The following FAM81B variants were observed in gnomAD, a reference collection of about 807,000 sequenced individuals.
FAM81B encodes family with sequence similarity 81 member B.
Under a neutral mutation model 58.7 loss-of-function variants are expected in FAM81B, and 60 were observed. The observed-to-expected ratio is 1.02, with a 90% CI of 0.83 to 1.27. The LOEUF is 1.27. FAM81B is among the 50% of genes most tolerant of loss of function. FAM81B has a pLI of 0.00. For synonymous variants in FAM81B, 189 were observed against 179.6 expected (o/e 1.05, Z -0.42); for missense variants, 491 against 522.0 (o/e 0.94, Z 0.58).
At chr5:95,419,562 A>C (rs1762624329) in intron 4 of FAM81B, among the ~76,000 whole-genome samples, 1 of 152,180 alleles carries the variant, frequency 6.6e-6, no homozygotes, top group South Asian at 2.1e-4. Context: ...GGGTACAAAA[A>C]GTTAAAAACC....
intron 9 of FAM81B, among the ~76,000 whole-genome samples, chr5:95,449,667 C>T (rs550888119): frequency 6.6e-6 from 1 of 152,260 alleles, no homozygotes; most frequent in East Asian, 1.9e-4. Flanking sequence ...TCAGGAGTGA[C>T]TAGACATGCA....
At chr5:95,416,248 A>G (rs1297743877) in intron 4 of FAM81B, among the ~76,000 whole-genome samples, 2 of 152,234 alleles carry the variant, frequency 1.3e-5, no homozygotes, top group Non-Finnish European at 2.9e-5. Context: ...CTCATTAACC[A>G]GGTCAGCCCA....
rs771168037 is a variant in FAM81B at position 95,405,130 on chromosome 5, A to G, written c.294-8817A>G. 4.6e-5 allele frequency among the ~76,000 whole-genome samples: 7 copies of G among 152,316 alleles called. No individual in the cohort carries two copies. The South Asian group carries it at 6.2e-4, about 14-fold the overall frequency. On this transcript the variant is annotated intron_variant, in intron 3 of 9. Transcript: ENST00000283357. ...AGGATCAAGAAAGGAAGAAAGAACT[A>G]AAATAACCGTGGGTTTGGAGCCTAA... is the stretch of plus-strand genomic sequence containing the variant.
intron 5 of FAM81B, among the ~76,000 whole-genome samples, chr5:95,423,833 G>A (rs1762752086): frequency 6.6e-6 from 1 of 152,134 alleles, no homozygotes; most frequent in Non-Finnish European, 1.5e-5. Flanking sequence ...GACTGATACA[G>A]TCCTTCTCAG....
At chr5:95,407,408 A>G (rs1250298119) in intron 3 of FAM81B, among the ~76,000 whole-genome samples, 5 of 147,306 alleles carry the variant, frequency 3.4e-5, no homozygotes, top group African/African-American at 5.0e-5. Flanking sequence ...ACACACACAC[A>G]CGCACACACA....
At position 95,429,518 on chromosome 5, in the gene FAM81B, G is replaced by A. The variant is rs191670943; in HGVS notation, c.786+786G>A. Among the ~76,000 whole-genome samples, 45 of 152,248 alleles carry A rather than the reference G, an allele frequency of 3.0e-4. No individual in the cohort carries two copies. In the East Asian group the frequency reaches 7.9e-3, roughly 27 times the overall value. On this transcript the variant is annotated intron_variant, in intron 6 of 9. Transcript: ENST00000283357. ...GGCGTTTGATTATTTGTTGGTAGGC[G>A]CCAGTTAATCCAGAGCAGGTGTTAC...
chr5:95,394,987 T>A (rs576325943), intron 2 of FAM81B, among the ~76,000 whole-genome samples: 1 of 152,114 alleles, frequency 6.6e-6, no homozygotes, highest in African/African-American at 2.4e-5. Flanking sequence ...CACAGTAACA[T>A]AAAGCAAGAA....
At position 95,448,835 on chromosome 5, in the gene FAM81B, C is replaced by T. The variant is rs539523527; in HGVS notation, c.1225+371C>T. Reference sequence around the variant, plus strand: ...TTAAGAGCCTAAATCAAATGCCCTTCTCATTGAACTACAAGTAATGAGCTT... The same window carrying T: ...TTAAGAGCCTAAATCAAATGCCCTTTTCATTGAACTACAAGTAATGAGCTT... On this transcript the variant is annotated intron_variant, in intron 9 of 9. Coordinates refer to ENST00000283357, the MANE Select transcript of FAM81B (RefSeq NM_152548.3). The T allele has an allele frequency of 4.2e-4, 173 of 415,144 alleles. 1 individual carries two copies. The highest frequency in any genetic ancestry group is 3.0e-3 in the South Asian group (164 of 54,874). The allele number at this position is 415,144 out of a possible 1,614,324, so 25.7% of individuals were successfully genotyped here.
chr5:95,426,775 G>A (rs1409743886), intron 5 of FAM81B, among the ~76,000 whole-genome samples: 6 of 152,144 alleles, frequency 3.9e-5, no homozygotes, highest in Non-Finnish European at 8.8e-5. Flanking sequence ...CAGGCCGGGC[G>A]CGGTGGCTCA....
Position 95,392,799 on chromosome 5 carries a change from A to G in FAM81B, c.130A>G (p.Asn44Asp). Reference sequence around the variant, plus strand: ...TCAGCATTCTGGTTACCTAGATACAAATGTAAACAAAAGTGCCTCTCCAAC... The same window carrying G: ...TCAGCATTCTGGTTACCTAGATACAGATGTAAACAAAAGTGCCTCTCCAAC... The part of the protein sequence containing the change: ...GKASIMSSDT[N>D]VNKSASPTAT... Residue 44 changes from asparagine (N) to aspartate (D), a missense_variant, in exon 2 of 10, where the codon AAT becomes GAT. Coordinates refer to ENST00000283357, the MANE Select transcript of FAM81B (RefSeq NM_152548.3). 2 of 1,608,508 alleles carry G rather than the reference A, an allele frequency of 1.2e-6. No individual in the cohort carries two copies. Among genetic ancestry groups the G allele is most frequent in the Non-Finnish European group, 1.7e-6 (2 of 1,177,142 alleles).
intron 3 of FAM81B, among the ~76,000 whole-genome samples, chr5:95,409,486 T>TTTTTTTTTTTTTTTTTTTTTTTTG (rs1554043553): frequency 1.3e-5 from 2 of 151,396 alleles, no homozygotes; most frequent in Admixed American, 6.6e-5. Flanking sequence ...GAATTTTTCT[T>TTTTTTTTTTTTTTTTTTTTTTTTG]AATGTGGCTA....
At chr5:95,448,674 A>G in intron 9 of FAM81B, 1 of 600,090 alleles carries the variant, frequency 1.7e-6, no homozygotes, top group African/African-American at 1.9e-5. Context: ...GCAATGTCAC[A>G]GGCCTGCCAT....
At chr5:95,422,324 T>C (rs1762707786) in intron 5 of FAM81B, among the ~76,000 whole-genome samples, 2 of 149,934 alleles carry the variant, frequency 1.3e-5, no homozygotes, top group South Asian at 2.1e-4. Context: ...AAATAATATA[T>C]AGAAATATTT....
intron 3 of FAM81B, among the ~76,000 whole-genome samples, chr5:95,412,892 C>T (rs1762441402): frequency 6.6e-6 from 1 of 152,172 alleles, no homozygotes; most frequent in Admixed American, 6.5e-5. Context: ...GAAGGATGCA[C>T]TAGGTTGTCT....
At chr5:95,409,694 G>A (rs1490778908) in intron 3 of FAM81B, among the ~76,000 whole-genome samples, 1 of 151,944 alleles carries the variant, frequency 6.6e-6, no homozygotes, top group African/African-American at 2.4e-5. Flanking sequence ...TTGAAGCCTC[G>A]CCATCCACAC....
In FAM81B at chr5:95,446,696, T is replaced by G. The variant is rs781721457; in HGVS notation, c.1028T>G (p.Leu343Arg). 1 of 1,610,774 alleles carries G rather than the reference T, an allele frequency of 6.2e-7. No homozygotes were observed. The highest frequency in any genetic ancestry group is 8.5e-7 in the Non-Finnish European group (1 of 1,179,246). Residue 343 changes from leucine to arginine, a missense_variant and splice_region_variant, in exon 8 of 10, where the codon CTG (leucine) becomes CGG (arginine). Physicochemically the swap from Leu to Arg is moderately radical, Grantham distance 102. Transcript: ENST00000283357. ...NECLKVLQEK[L>R]EKSENKMEEK... ...TGTCTGAAGGTCCTACAGGAGAAAC[T>G]GGTGAGGAGTTCTGTTATTTTGTGA...
At chr5:95,399,893 A>G (rs981481124) in intron 3 of FAM81B, among the ~76,000 whole-genome samples, 2 of 152,196 alleles carry the variant, frequency 1.3e-5, no homozygotes, top group Non-Finnish European at 2.9e-5. Flanking sequence ...TGTAACAGGA[A>G]GAGCCACTAA....
At chr5:95,449,661 G>C (rs1745721108) in intron 9 of FAM81B, among the ~76,000 whole-genome samples, 1 of 152,162 alleles carries the variant, frequency 6.6e-6, no homozygotes, top group South Asian at 2.1e-4. Context: ...CTGTGGTCAG[G>C]AGTGACTAGA....
At chr5:95,444,540 G>A (rs1023920567) in intron 7 of FAM81B, among the ~76,000 whole-genome samples, 2 of 152,112 alleles carry the variant, frequency 1.3e-5, no homozygotes, top group African/African-American at 4.8e-5. Flanking sequence ...GTATCCAGTG[G>A]GTGGGCTTAT....
Sources: gnomAD v4.1 joint callset for allele counts (sites outside exome capture counted in the v4.1 genomes callset) on GRCh38, gnomAD v4.1.1 for gene constraint, MANE v1.5 for transcripts, NCBI Gene and HGNC (gene_info 2026-07-23, HGNC 2026-07-21) for gene names.